DYNC1I1: variants seen among roughly 807,000 people sequenced by gnomAD.
The protein encoded by DYNC1I1 is cytoplasmic dynein 1 intermediate chain 1.
Under a neutral mutation model 86.6 loss-of-function variants are expected in DYNC1I1, and 43 were observed. The observed-to-expected ratio is 0.50, with a 90% CI of 0.39 to 0.64. The LOEUF is 0.64. Among genes scored for constraint, DYNC1I1 ranks in the 30% least tolerant of loss-of-function variants. DYNC1I1 has a pLI of 0.00. For missense variants in DYNC1I1, 604 were observed against 788.8 expected (o/e 0.77, Z 2.81); for synonymous variants, 262 against 283.7 (o/e 0.92, Z 0.77).
intron 6 of DYNC1I1, among the ~76,000 whole-genome samples, chr7:95,965,422 G>A (rs150652659): frequency 6.6e-6 from 1 of 152,158 alleles, no homozygotes; most frequent in Non-Finnish European, 1.5e-5. Context: ...TTGTAATTTA[G>A]TAGTTGTCTG....
At chr7:96,075,058 T>C (rs1378785205) in intron 14 of DYNC1I1, among the ~76,000 whole-genome samples, 1 of 152,244 alleles carries the variant, frequency 6.6e-6, no homozygotes, top group African/African-American at 2.4e-5. Context: ...CATTAATTGA[T>C]CAGGGATTAG....
intron 16 of DYNC1I1, among the ~76,000 whole-genome samples, chr7:96,095,990 A>G (rs887498009): frequency 2.0e-5 from 3 of 152,146 alleles, no homozygotes; most frequent in Admixed American, 1.3e-4. Flanking sequence ...GCATTTAACC[A>G]TTCAGAAACT....
At chr7:96,092,879 C>A (rs1440706611) in intron 16 of DYNC1I1, among the ~76,000 whole-genome samples, 1 of 152,104 alleles carries the variant, frequency 6.6e-6, no homozygotes, top group African/African-American at 2.4e-5. Context: ...GCAGGTGATT[C>A]AAAACACATT....
At chr7:95,860,109 T>C (rs558313671) in intron 5 of DYNC1I1, among the ~76,000 whole-genome samples, 6 of 152,218 alleles carry the variant, frequency 3.9e-5, no homozygotes, top group Non-Finnish European at 8.8e-5. Context: ...AATGTTTCTC[T>C]GGGAGGACAA....
chr7:95,950,168 C>A (rs112323724), intron 6 of DYNC1I1, among the ~76,000 whole-genome samples: 1 of 152,148 alleles, frequency 6.6e-6, no homozygotes, highest in African/African-American at 2.4e-5. Context: ...AAAAACGAGC[C>A]TTGCGAAAAC....
chr7:96,032,901 C>G (rs1794846544), intron 12 of DYNC1I1, 121 bp downstream of exon 12: 1 of 753,020 alleles, frequency 1.3e-6, no homozygotes. Context: ...AATGGATGCA[C>G]TTGAAAGAGT....
intron 1 of DYNC1I1, among the ~76,000 whole-genome samples, chr7:95,790,867 AT>A (rs1794283527): frequency 1.3e-5 from 2 of 152,174 alleles, no homozygotes; most frequent in Admixed American, 6.6e-5. Flanking sequence ...AGGATAGAGT[AT>A]TACCTTAGAG....
At chr7:95,991,416 A>G (rs1793726649) in intron 9 of DYNC1I1, among the ~76,000 whole-genome samples, 2 of 152,220 alleles carry the variant, frequency 1.3e-5, no homozygotes, top group South Asian at 4.1e-4. Flanking sequence ...GGGAGCCATT[A>G]TAGTAGTTAG....
intron 10 of DYNC1I1, among the ~76,000 whole-genome samples, chr7:96,017,510 T>G (rs1040877400): frequency 6.6e-6 from 1 of 152,126 alleles, no homozygotes; most frequent in Non-Finnish European, 1.5e-5. Context: ...TTTTTTAACT[T>G]TTTCCTAAAT....
intron 6 of DYNC1I1, among the ~76,000 whole-genome samples, chr7:95,954,903 A>G (rs984928587): frequency 2.3e-5 from 3 of 131,040 alleles, no homozygotes; most frequent in Non-Finnish European, 4.7e-5. Context: ...GCAACAGAGC[A>G]AGACTCTGTC....
Position 96,037,094 on chromosome 7 carries a change from T to C in DYNC1I1, c.1364+1342T>C, listed in dbSNP as rs1794943691. On this transcript the variant is annotated intron_variant, in intron 13 of 16. Coordinates refer to ENST00000447467, the MANE Select transcript of DYNC1I1 (RefSeq NM_001135556.2). Reference sequence around the variant, plus strand: ...AAATGACAAGCATCCATGGCTCAGCTATGTGACTTTTTCCATTCAAACTAT... The same window carrying C: ...AAATGACAAGCATCCATGGCTCAGCCATGTGACTTTTTCCATTCAAACTAT... 2.6e-5 allele frequency among the ~76,000 whole-genome samples: 4 copies of C among 152,214 alleles called. No individual in the cohort carries two copies. The South Asian group carries it at 8.3e-4, about 32-fold the overall frequency.
At chr7:95,854,181 A>G (rs574999852) in intron 5 of DYNC1I1, among the ~76,000 whole-genome samples, 1 of 152,136 alleles carries the variant, frequency 6.6e-6, no homozygotes, top group East Asian at 1.9e-4. Flanking sequence ...CATTTTGTTA[A>G]TTATTTTTTA....
chr7:95,799,198 C>T (rs1322404463), intron 1 of DYNC1I1, among the ~76,000 whole-genome samples: 9 of 151,916 alleles, frequency 5.9e-5, no homozygotes, highest in Non-Finnish European at 1.0e-4. Flanking sequence ...GCCAACATGG[C>T]GAAACCCCAT....
At chr7:95,861,616 A>G (rs78620771) in intron 5 of DYNC1I1, among the ~76,000 whole-genome samples, 2 of 77,650 alleles carry the variant, frequency 2.6e-5, no homozygotes, top group East Asian at 2.9e-4. Flanking sequence ...CTCTTTTTGC[A>G]ATTTTTTTTT....
chr7:95,874,404 G>A (rs1464688246), intron 6 of DYNC1I1, among the ~76,000 whole-genome samples: 1 of 152,096 alleles, frequency 6.6e-6, no homozygotes. Flanking sequence ...AAAAAGGTTT[G>A]TTGAGAAGAT....
intron 4 of DYNC1I1, among the ~76,000 whole-genome samples, chr7:95,814,268 T>C: frequency 6.6e-6 from 1 of 152,208 alleles, no homozygotes; most frequent in South Asian, 2.1e-4. Flanking sequence ...GAATGTTAAA[T>C]GTTAATGACT....
intron 14 of DYNC1I1, among the ~76,000 whole-genome samples, chr7:96,053,191 A>G (rs933115868): frequency 4.6e-5 from 7 of 152,204 alleles, no homozygotes; most frequent in African/African-American, 1.7e-4. Flanking sequence ...AAGTTTTCAG[A>G]CGAAGCCAAT....
intron 14 of DYNC1I1, chr7:96,056,130 A>G (rs958174287): frequency 1.3e-5 from 2 of 152,018 alleles, no homozygotes; most frequent in Admixed American, 1.3e-4. Context: ...CCACCCACCT[A>G]TGGAATTTAA....
rs1002038550 is a variant in DYNC1I1, at chr7:95,928,977, C to T, written c.491-48535C>T. Among the ~76,000 whole-genome samples, 5 of 152,282 alleles carry T rather than the reference C, an allele frequency of 3.3e-5. No homozygotes were observed. The East Asian group carries it at 7.7e-4, about 24-fold the overall frequency. On this transcript the variant is annotated intron_variant, in intron 6 of 16. Transcript: ENST00000447467. ...TCCGTCCCCAAACTTACCGGTATTA[C>T]ACAGTTGATACAACAGTGTTCAAGA...
Sources: allele counts gnomAD v4.1 joint callset (sites outside exome capture counted in the v4.1 genomes callset), GRCh38; gene constraint gnomAD v4.1.1; transcripts MANE v1.5; gene names NCBI Gene and HGNC (gene_info 2026-07-23, HGNC 2026-07-21).